DMD: variants seen among roughly 807,000 people sequenced by gnomAD.
DMD encodes the protein mutant dystrophin.
A neutral mutation model predicts 330.1 loss-of-function variants in DMD; 63 were observed. That is an observed-to-expected ratio of 0.19 (90% CI 0.16 to 0.24). The LOEUF is 0.24. Among genes scored for constraint, DMD ranks in the 10% least tolerant of loss-of-function variants. The probability of loss-of-function intolerance (pLI) is 1.00; values close to 1 mark genes in which losing one functional copy is unlikely to be tolerated. For missense variants in DMD, 3,344 were observed against 2,684.1 expected (o/e 1.25, Z -5.43); for synonymous variants, 1,223 against 959.8 (o/e 1.27, Z -5.07).
intron 34 of DMD, among the ~76,000 whole-genome samples, chrX:32,369,608 G>C (rs1392452186): frequency 2.7e-5 from 3 of 111,113 alleles, no homozygotes; most frequent in Non-Finnish European, 5.7e-5. Flanking sequence ...CAGGGGTAAA[G>C]AAATGTAGCT....
chrX:31,287,938 C>G (rs138935047), intron 62 of DMD, among the ~76,000 whole-genome samples: 1,434 of 111,253 alleles, frequency 0.013, 19 homozygotes, highest in African/African-American at 0.044. Flanking sequence ...TCAAAGACAC[C>G]AATTAAGGAT....
intron 44 of DMD, among the ~76,000 whole-genome samples, chrX:31,982,969 T>TTTTTTTTTTTTTTTTTTTTTTTTTTG (rs2095485961): frequency 9.5e-6 from 1 of 105,514 alleles, no homozygotes; most frequent in Non-Finnish European, 2.0e-5. Flanking sequence ...GAGCTTTTGT[T>TTTTTTTTTTTTTTTTTTTTTTTTTTG]AATGGTATTT....
chrX:32,024,689 C>A (rs981597703), intron 44 of DMD, among the ~76,000 whole-genome samples: 2 of 110,698 alleles, frequency 1.8e-5, no homozygotes, highest in African/African-American at 6.6e-5. Context: ...AATAATAAAA[C>A]CTGTCCTGTG....
At chrX:33,256,952 G>A (rs938842153) in intron 1 of DMD, among the ~76,000 whole-genome samples, 9 of 110,304 alleles carry the variant, frequency 8.2e-5, no homozygotes, top group East Asian at 5.7e-4. Context: ...AACGTGTAAC[G>A]GAGTAACACA....
At chrX:31,483,475 G>A (rs972952203) in intron 57 of DMD, among the ~76,000 whole-genome samples, 2 of 112,541 alleles carry the variant, frequency 1.8e-5, no homozygotes, top group Non-Finnish European at 3.7e-5. Flanking sequence ...AAGCTAAGGA[G>A]CATCCATTGT....
intron 50 of DMD, among the ~76,000 whole-genome samples, chrX:31,810,799 C>T (rs894498052): frequency 9.0e-6 from 1 of 111,481 alleles, no homozygotes; most frequent in East Asian, 2.8e-4. Flanking sequence ...CCATTTTGAG[C>T]GGTAGGGTAC....
At chrX:31,347,382 T>C (rs2058157655) in intron 61 of DMD, among the ~76,000 whole-genome samples, 1 of 111,299 alleles carries the variant, frequency 9.0e-6, no homozygotes, top group African/African-American at 3.3e-5. Context: ...AACCACCCTC[T>C]CTTTATCTCC....
intron 30 of DMD, among the ~76,000 whole-genome samples, chrX:32,403,561 G>T (rs1245854143): frequency 1.8e-5 from 2 of 111,636 alleles, no homozygotes; most frequent in Non-Finnish European, 3.8e-5. Flanking sequence ...AGTCAGTGAC[G>T]TGTGGCAAGT....
intron 4 of DMD, among the ~76,000 whole-genome samples, chrX:32,841,412 G>A (rs1030032579): frequency 3.6e-5 from 4 of 111,398 alleles, no homozygotes; most frequent in South Asian, 3.8e-4. Context: ...ATAAAATCTC[G>A]AACAAAGTGG....
chrX:32,338,086 T>C (rs2097724023), intron 41 of DMD, among the ~76,000 whole-genome samples: 1 of 111,619 alleles, frequency 9.0e-6, no homozygotes, highest in Admixed American at 9.6e-5. Flanking sequence ...TACCTGGTAT[T>C]TGAAAATGTG....
chrX:31,792,774 C>T (rs892061840), intron 50 of DMD, among the ~76,000 whole-genome samples: 12 of 111,470 alleles, frequency 1.1e-4, no homozygotes. Context: ...CCCTGAAGCC[C>T]CAGAGGGTGT....
At chrX:32,477,313 T>C (rs989443689) in intron 21 of DMD, among the ~76,000 whole-genome samples, 1 of 110,181 alleles carries the variant, frequency 9.1e-6, no homozygotes, top group Non-Finnish European at 1.9e-5. Flanking sequence ...AAAAAAAAAT[T>C]CCATTAATAT....
intron 2 of DMD, among the ~76,000 whole-genome samples, chrX:32,958,453 T>C (rs1454266262): frequency 9.0e-6 from 1 of 111,196 alleles, no homozygotes; most frequent in Non-Finnish European, 1.9e-5. Flanking sequence ...CGGATGTTGA[T>C]TTCCTAACAC....
chrX:31,528,305 C>T (rs761960488), intron 55 of DMD, among the ~76,000 whole-genome samples: 4 of 111,949 alleles, frequency 3.6e-5, no homozygotes, highest in African/African-American at 1.3e-4. Flanking sequence ...GTCAAATTTC[C>T]ACTGACAAGT....
chrX:32,841,026 T>G (rs1218982510), intron 4 of DMD, among the ~76,000 whole-genome samples: 2 of 111,972 alleles, frequency 1.8e-5, no homozygotes, highest in Admixed American at 1.9e-4. Flanking sequence ...ATTGTGAGAT[T>G]TCCAGTTGAT....
At chrX:31,630,177 T>C (rs778831252) in intron 54 of DMD, among the ~76,000 whole-genome samples, 14 of 111,242 alleles carry the variant, frequency 1.3e-4, no homozygotes, top group African/African-American at 4.6e-4. Context: ...GATGAAAGAG[T>C]TCTACCGAGA....
intron 44 of DMD, among the ~76,000 whole-genome samples, chrX:32,194,370 C>T (rs1344250415): frequency 8.9e-6 from 1 of 112,004 alleles, no homozygotes; most frequent in African/African-American, 3.2e-5. Flanking sequence ...CAACCCTCAC[C>T]CAGAGGTAAC....
intron 44 of DMD, among the ~76,000 whole-genome samples, chrX:32,158,470 G>C (rs1679940367): frequency 1.8e-5 from 2 of 112,017 alleles, no homozygotes; most frequent in Admixed American, 1.9e-4. Context: ...CATTGGACCT[G>C]CGGTGGTGCC....
chrX:31,348,839 T>C (rs995856581), intron 60 of DMD, among the ~76,000 whole-genome samples: 2 of 112,083 alleles, frequency 1.8e-5, no homozygotes, highest in Non-Finnish European at 3.8e-5. Context: ...ACACAAAGGA[T>C]TTCCTCTCTC....
Sources: allele counts gnomAD v4.1 joint callset (sites outside exome capture counted in the v4.1 genomes callset), GRCh38; gene constraint gnomAD v4.1.1; transcripts MANE v1.5; gene names NCBI Gene and HGNC (gene_info 2026-07-23, HGNC 2026-07-21).